The following FRMD4A variants were observed in gnomAD, a reference collection of about 807,000 sequenced individuals.
FRMD4A encodes the protein FERM domain containing 4A.
FRMD4A carries 29 observed loss-of-function variants against 129.1 expected under a neutral mutation model. The ratio of observed to expected loss-of-function variants is 0.22; its 90% CI spans 0.17 to 0.31. The LOEUF is 0.31. Ranked by LOEUF, FRMD4A falls within the 10% of genes least tolerant of loss-of-function variation. The pLI is 1.00. For synonymous variants in FRMD4A, 634 were observed against 571.6 expected (o/e 1.11, Z -1.56); for missense variants, 1,272 against 1,375.8 (o/e 0.92, Z 1.19).
chr10:14,022,496 A>T (rs1832803360), intron 2 of FRMD4A, among the ~76,000 whole-genome samples: 1 of 152,208 alleles, frequency 6.6e-6, no homozygotes, highest in African/African-American at 2.4e-5. Context: ...GAATCACATG[A>T]TTTAATATAA....
At chr10:13,850,326 C>T (rs755520966) in intron 3 of FRMD4A, among the ~76,000 whole-genome samples, 2 of 152,076 alleles carry the variant, frequency 1.3e-5, no homozygotes, top group African/African-American at 4.8e-5. Context: ...TATTTACTTG[C>T]CCTCAGTGCT....
At chr10:14,210,831 G>A (rs1176793781) in intron 2 of FRMD4A, among the ~76,000 whole-genome samples, 1 of 152,194 alleles carries the variant, frequency 6.6e-6, no homozygotes, top group African/African-American at 2.4e-5. Context: ...GGGTTCATGT[G>A]ATTCTTCTGC....
At chr10:14,155,169 T>A (rs892825904) in intron 2 of FRMD4A, among the ~76,000 whole-genome samples, 5 of 152,082 alleles carry the variant, frequency 3.3e-5, no homozygotes, top group Admixed American at 2.6e-4. Context: ...GTGGCACATG[T>A]TTATCGTCCC....
chr10:14,128,000 CTTTCTT>C (rs373059599), intron 2 of FRMD4A, among the ~76,000 whole-genome samples: 4,692 of 97,440 alleles, frequency 0.048, 583 homozygotes, highest in African/African-American at 0.17. Context: ...CTCTCTCTCT[CTTTCTT>C]TCTTTCTTCC....
At chr10:14,089,386 C>T (rs948378982) in intron 2 of FRMD4A, among the ~76,000 whole-genome samples, 10 of 152,104 alleles carry the variant, frequency 6.6e-5, no homozygotes, top group Admixed American at 5.9e-4. Context: ...CCACGGTTCC[C>T]AGAGAGGACG....
intron 2 of FRMD4A, among the ~76,000 whole-genome samples, chr10:14,224,804 C>A (rs1843381574): frequency 6.6e-6 from 1 of 152,200 alleles, no homozygotes; most frequent in South Asian, 2.1e-4. Context: ...TGGCCTGAAG[C>A]TATGGGGAGA....
intron 2 of FRMD4A, among the ~76,000 whole-genome samples, chr10:13,980,610 C>T (rs1055794954): frequency 2.6e-5 from 4 of 152,060 alleles, no homozygotes; most frequent in South Asian, 2.1e-4. Context: ...GTCCCAGCTA[C>T]TTGGGAAGCT....
chr10:14,209,991 G>A (rs1210674250), intron 2 of FRMD4A, among the ~76,000 whole-genome samples: 1 of 152,194 alleles, frequency 6.6e-6, no homozygotes, highest in African/African-American at 2.4e-5. Flanking sequence ...GACAAAGAGA[G>A]AAGGAAGGAT....
intron 2 of FRMD4A, among the ~76,000 whole-genome samples, chr10:14,282,029 AG>A (rs1242268685): frequency 3.3e-5 from 5 of 152,334 alleles, no homozygotes; most frequent in African/African-American, 4.8e-5. Flanking sequence ...GAAGGTAAAA[AG>A]CACGTCTTAC....
chr10:13,917,594 G>T (rs887347673), intron 2 of FRMD4A, among the ~76,000 whole-genome samples: 1 of 152,054 alleles, frequency 6.6e-6, no homozygotes, highest in Non-Finnish European at 1.5e-5. Context: ...CCGGCCCACA[G>T]ATTTTATTTA....
intron 2 of FRMD4A, among the ~76,000 whole-genome samples, chr10:14,000,949 AC>A (rs1297975484): frequency 6.6e-6 from 1 of 152,148 alleles, no homozygotes; most frequent in Non-Finnish European, 1.5e-5. Context: ...AGGAATATGG[AC>A]CCAACTTTCA....
intron 2 of FRMD4A, among the ~76,000 whole-genome samples, chr10:13,862,995 C>T (rs918891952): frequency 1.3e-5 from 2 of 151,362 alleles, no homozygotes; most frequent in Admixed American, 6.6e-5. Flanking sequence ...CTACGGGAGC[C>T]CTGGCATCAC....
chr10:13,849,490 T>G (rs1356800117), intron 3 of FRMD4A, among the ~76,000 whole-genome samples: 3 of 151,862 alleles, frequency 2.0e-5, no homozygotes, highest in African/African-American at 7.3e-5. Flanking sequence ...GCATTTTTTT[T>G]TTTTTTTTGA....
chr10:13,758,081 T>C lies in FRMD4A; in HGVS notation c.464+3566A>G, dbSNP rs553516543. On this transcript the variant is annotated intron_variant, in intron 8 of 24. Coordinates refer to ENST00000357447, the MANE Select transcript of FRMD4A (RefSeq NM_018027.5). ...TTTGTAAAAGCAATCCCCTTTTCTCTTGTACCTCAAGGAAACTGCTCCCAT... is the reference window on the plus strand; with the variant it reads ...TTTGTAAAAGCAATCCCCTTTTCTCCTGTACCTCAAGGAAACTGCTCCCAT... Among the ~76,000 whole-genome samples, 575 of 152,346 alleles carry C rather than the reference T, an allele frequency of 3.8e-3. 2 individuals carry two copies. Among genetic ancestry groups the C allele is most frequent in the Non-Finnish European group, 5.9e-3 (401 of 68,036 alleles).
At chr10:13,963,493 T>A (rs1236620175) in intron 2 of FRMD4A, among the ~76,000 whole-genome samples, 1 of 152,146 alleles carries the variant, frequency 6.6e-6, no homozygotes, top group Non-Finnish European at 1.5e-5. Flanking sequence ...GTAGAATCCA[T>A]CAGTCCAAGA....
chr10:13,992,409 C>G (rs1285261934), intron 2 of FRMD4A, among the ~76,000 whole-genome samples: 5 of 152,192 alleles, frequency 3.3e-5, no homozygotes, highest in African/African-American at 7.2e-5. Flanking sequence ...TGCAGGCTCA[C>G]TGACCCCAGC....
intron 2 of FRMD4A, among the ~76,000 whole-genome samples, chr10:14,054,062 G>C (rs1834390443): frequency 6.6e-6 from 1 of 151,922 alleles, no homozygotes. Context: ...CTACTTGGGA[G>C]GGTGAGGTGG....
intron 2 of FRMD4A, among the ~76,000 whole-genome samples, chr10:14,014,721 C>T (rs539770968): frequency 4.6e-5 from 7 of 152,320 alleles, no homozygotes; most frequent in Middle Eastern, 3.4e-3. Context: ...CCAGGGGCTG[C>T]GAGATTATCT....
At chr10:14,009,881 C>G (rs926266249) in intron 2 of FRMD4A, among the ~76,000 whole-genome samples, 1 of 152,124 alleles carries the variant, frequency 6.6e-6, no homozygotes, top group Non-Finnish European at 1.5e-5. Context: ...AGGTTTACAT[C>G]TCTTTTTTCT....
Sources: allele counts gnomAD v4.1 joint callset (sites outside exome capture counted in the v4.1 genomes callset), GRCh38; gene constraint gnomAD v4.1.1; transcripts MANE v1.5; gene names NCBI Gene and HGNC (gene_info 2026-07-23, HGNC 2026-07-21).